The following GABRA2 variants were observed in gnomAD, a reference collection of about 807,000 sequenced individuals.
GABRA2 encodes the protein gamma-aminobutyric acid receptor subunit alpha-2.
A neutral mutation model predicts 48.7 loss-of-function variants in GABRA2; 16 were observed. The observed-to-expected ratio is 0.33, with a 90% CI of 0.22 to 0.50. GABRA2 has a LOEUF of 0.50. Ranked by LOEUF, GABRA2 falls within the 20% of genes least tolerant of loss-of-function variation. The probability of loss-of-function intolerance (pLI) is 0.98; values close to 1 mark genes in which losing one functional copy is unlikely to be tolerated. For missense variants in GABRA2, 275 were observed against 535.6 expected (o/e 0.51, Z 4.80); for synonymous variants, 185 against 184.5 (o/e 1.00, Z -0.02).
intron 3 of GABRA2, among the ~76,000 whole-genome samples, chr4:46,344,981 T>C (rs1407391167): frequency 6.6e-6 from 1 of 151,942 alleles, no homozygotes; most frequent in East Asian, 1.9e-4. Flanking sequence ...CCCACCCAAA[T>C]TTCATCTTGA....
intron 8 of GABRA2, among the ~76,000 whole-genome samples, chr4:46,284,511 A>G (rs997040339): frequency 1.3e-5 from 2 of 152,220 alleles, no homozygotes; most frequent in Admixed American, 1.3e-4. Flanking sequence ...AGAATATGAA[A>G]GGAGGCTTTT....
At chr4:46,273,484 C>CATAT (rs1250189953) in intron 8 of GABRA2, among the ~76,000 whole-genome samples, 20 of 18,920 alleles carry the variant, frequency 1.1e-3, no homozygotes, top group African/African-American at 3.2e-3. Context: ...TATATATATG[C>CATAT]ATATATATAT....
At chr4:46,259,198 T>C (rs980724277) in intron 9 of GABRA2, among the ~76,000 whole-genome samples, 12 of 151,904 alleles carry the variant, frequency 7.9e-5, no homozygotes, top group Admixed American at 5.9e-4. Context: ...GAATTTGTAT[T>C]GAGCAAAAGG....
chr4:46,290,087 A>ATT (rs200118144), intron 8 of GABRA2, among the ~76,000 whole-genome samples: 56,059 of 143,852 alleles, frequency 0.39, 11,200 homozygotes, highest in East Asian at 0.51. Flanking sequence ...CATTTTTTGT[A>ATT]TTTTTTTTTT....
intron 3 of GABRA2, among the ~76,000 whole-genome samples, chr4:46,378,458 C>T (rs1169266130): frequency 1.3e-5 from 2 of 152,050 alleles, no homozygotes; most frequent in Non-Finnish European, 2.9e-5. Flanking sequence ...TGCTTGAAGG[C>T]AGCATGCTCG....
intron 8 of GABRA2, among the ~76,000 whole-genome samples, chr4:46,298,319 G>T (rs374864296): frequency 4.0e-5 from 6 of 151,190 alleles, no homozygotes; most frequent in East Asian, 1.9e-4. Flanking sequence ...TTTTATTAGT[G>T]TTCTTTGTTT....
At chr4:46,273,502 CATAT>C (rs71637683) in intron 8 of GABRA2, among the ~76,000 whole-genome samples, 1,032 of 47,994 alleles carry the variant, frequency 0.022, 16 homozygotes, top group African/African-American at 0.068. Context: ...TATATATATG[CATAT>C]ATATATATAT....
At chr4:46,327,998 T>G (rs1404530897) in intron 4 of GABRA2, among the ~76,000 whole-genome samples, 1 of 151,856 alleles carries the variant, frequency 6.6e-6, no homozygotes, top group African/African-American at 2.4e-5. Context: ...ACAGTGAAAA[T>G]GTTTACTAAT....
intron 3 of GABRA2, among the ~76,000 whole-genome samples, chr4:46,350,762 AT>A (rs1734984834): frequency 6.6e-6 from 1 of 151,988 alleles, no homozygotes. Context: ...TTGAGTGCCT[AT>A]TATACTATTT....
rs768187687 is a variant in GABRA2, at chr4:46,244,800, G to T, written c.*5508C>A. 6.6e-5 allele frequency among the ~76,000 whole-genome samples: 10 copies of T among 151,390 alleles called. No individual in the cohort carries two copies. Among genetic ancestry groups the T allele is most frequent in the Non-Finnish European group, 1.2e-4 (8 of 67,554 alleles). ...AAAAGAAAACTGCAATATATTCCCA[G>T]AAACTAAATTGTACCAAAGAAGTTA... On this transcript the variant is annotated 3_prime_UTR_variant, in exon 10 of 10. Transcript: ENST00000381620.
At chr4:46,353,223 A>G (rs1051712539) in intron 3 of GABRA2, among the ~76,000 whole-genome samples, 7 of 152,064 alleles carry the variant, frequency 4.6e-5, no homozygotes, top group Admixed American at 1.3e-4. Context: ...TCCATCGGAA[A>G]TCCTGCTGAC....
intron 8 of GABRA2, among the ~76,000 whole-genome samples, chr4:46,283,318 A>G (rs942048910): frequency 1.3e-5 from 2 of 152,180 alleles, no homozygotes; most frequent in African/African-American, 4.8e-5. Flanking sequence ...TAATATGAGT[A>G]TAATGACTGG....
chr4:46,296,170 T>C (rs1295657207), intron 8 of GABRA2, among the ~76,000 whole-genome samples: 3 of 152,126 alleles, frequency 2.0e-5, no homozygotes, highest in Admixed American at 2.0e-4. Context: ...ATGATACTGT[T>C]TTGCCTATAG....
chr4:46,281,917 G>T (rs1333133636), intron 8 of GABRA2, among the ~76,000 whole-genome samples: 1 of 152,110 alleles, frequency 6.6e-6, no homozygotes, highest in Non-Finnish European at 1.5e-5. Flanking sequence ...AGGGAGAGGT[G>T]CATTCCTGGA....
chr4:46,336,271 G>T (rs1464117649), intron 3 of GABRA2, among the ~76,000 whole-genome samples: 1 of 152,132 alleles, frequency 6.6e-6, no homozygotes, highest in Non-Finnish European at 1.5e-5. Context: ...ATGAGGAAAA[G>T]ATGCCCATCA....
At position 46,247,541 on chromosome 4, in the gene GABRA2, A is replaced by G. The variant is rs1713941343; in HGVS notation, c.*2767T>C. Among the ~76,000 whole-genome samples, 1 of 151,156 alleles carries G rather than the reference A, an allele frequency of 6.6e-6. No individual in the cohort carries two copies. The highest frequency in any genetic ancestry group is 2.1e-4 in the South Asian group (1 of 4,828). On this transcript the variant is annotated 3_prime_UTR_variant, in exon 10 of 10. Coordinates refer to ENST00000381620, the MANE Select transcript of GABRA2 (RefSeq NM_000807.4). Reference sequence around the variant, plus strand: ...AGAGTAGTAGCTATAAAATAATGAGATTATATCTCTATATATGTACATGTA... The same window carrying G: ...AGAGTAGTAGCTATAAAATAATGAGGTTATATCTCTATATATGTACATGTA...
At chr4:46,382,588 C>T (rs989225124) in intron 3 of GABRA2, among the ~76,000 whole-genome samples, 2 of 152,104 alleles carry the variant, frequency 1.3e-5, no homozygotes, top group African/African-American at 4.8e-5. Flanking sequence ...GAGGGGCATG[C>T]TCTGACTTAA....
chr4:46,343,005 A>T (rs900503660), intron 3 of GABRA2, among the ~76,000 whole-genome samples: 2 of 151,930 alleles, frequency 1.3e-5, no homozygotes, highest in Non-Finnish European at 2.9e-5. Flanking sequence ...GGTTAACTAC[A>T]TGCCTGACAC....
rs1485615712 is a variant in GABRA2, at chr4:46,256,278, A to G, written c.1059+5648T>C. On this transcript the variant is annotated intron_variant, in intron 9 of 9. Coordinates refer to ENST00000381620, the MANE Select transcript of GABRA2 (RefSeq NM_000807.4). ...TCTTGGAATAAACTGGGCCATGAGAAAGCTATATACTTGGACCATATTAGC... is the reference window on the plus strand; with the variant it reads ...TCTTGGAATAAACTGGGCCATGAGAGAGCTATATACTTGGACCATATTAGC... The G allele has an allele frequency of 1.4e-6, 1 of 696,712 alleles. No individual in the cohort carries two copies. Among genetic ancestry groups the G allele is most frequent in the Admixed American group, 2.0e-5 (1 of 49,724 alleles). 43.2% of individuals were successfully genotyped at this position (696,712 alleles called of 1,614,324 possible). A position where few individuals can be genotyped will look rare whatever the true frequency, so the allele number is the denominator to read the frequency against.
Sources: gnomAD v4.1 joint callset for allele counts (sites outside exome capture counted in the v4.1 genomes callset) on GRCh38, gnomAD v4.1.1 for gene constraint, MANE v1.5 for transcripts, NCBI Gene and HGNC (gene_info 2026-07-23, HGNC 2026-07-21) for gene names.